Variants in FBXL7 observed in about 807,000 individuals in gnomAD.
FBXL7 encodes F-box/LRR-repeat protein 7.
In FBXL7, 12 loss-of-function variants were observed where a neutral mutation model predicts 38.3. The ratio of observed to expected loss-of-function variants is 0.31; its 90% CI spans 0.20 to 0.51. The LOEUF (loss-of-function observed/expected upper bound fraction) is 0.51, where lower values mean the gene tolerates loss of function less well. FBXL7 is among the 20% of genes least tolerant of loss of function. The pLI, the probability that FBXL7 is intolerant of heterozygous loss-of-function variation, is 0.98. For synonymous variants in FBXL7, 297 were observed against 300.9 expected (o/e 0.99, Z 0.13); for missense variants, 567 against 676.4 (o/e 0.84, Z 1.79).
chr5:15,781,213 G>T (rs1416646552), intron 2 of FBXL7, among the ~76,000 whole-genome samples: 1 of 152,116 alleles, frequency 6.6e-6, no homozygotes, highest in East Asian at 1.9e-4. Flanking sequence ...AGGTTTTACT[G>T]CTCTAAAGGA....
intron 2 of FBXL7, among the ~76,000 whole-genome samples, chr5:15,668,143 C>G (rs77643368): frequency 6.6e-6 from 1 of 152,134 alleles, no homozygotes; most frequent in East Asian, 1.9e-4. Context: ...TAATCAGCCT[C>G]GAAAACTGAT....
intron 2 of FBXL7, among the ~76,000 whole-genome samples, chr5:15,628,913 C>T (rs542091394): frequency 6.6e-6 from 1 of 152,164 alleles, no homozygotes; most frequent in South Asian, 2.1e-4. Context: ...ATGCTCTAGA[C>T]CCACCTTAGA....
chr5:15,864,359 G>A (rs1433641666), intron 2 of FBXL7, among the ~76,000 whole-genome samples: 1 of 150,588 alleles, frequency 6.6e-6, no homozygotes, highest in Non-Finnish European at 1.5e-5. Flanking sequence ...TTCTCTATCA[G>A]TGCCTAATCT....
intron 2 of FBXL7, among the ~76,000 whole-genome samples, chr5:15,643,301 C>T (rs527754907): frequency 9.2e-5 from 14 of 152,280 alleles, no homozygotes; most frequent in South Asian, 2.1e-4. Context: ...CCTAGCTAGA[C>T]GTGCGCATGC....
Position 15,728,641 on chromosome 5 carries a change from A to C in FBXL7, c.127+112569A>C, listed in dbSNP as rs116715686. Among the ~76,000 whole-genome samples the C allele has an allele frequency of 2.5e-3, 381 of 152,266 alleles. 1 individual carries two copies. The highest frequency in any genetic ancestry group is 8.9e-3 in the African/African-American group (372 of 41,576). On this transcript the variant is annotated intron_variant, in intron 2 of 3. Transcript: ENST00000504595. Reference sequence around the variant, plus strand: ...CATCCTGTGAAATTGATTCTTGCCTAAACTACTAAAATTATGTTTCTGAAT... The same window carrying C: ...CATCCTGTGAAATTGATTCTTGCCTCAACTACTAAAATTATGTTTCTGAAT...
intron 2 of FBXL7, among the ~76,000 whole-genome samples, chr5:15,676,496 T>A (rs907206806): frequency 4.6e-5 from 7 of 152,248 alleles, no homozygotes; most frequent in Middle Eastern, 3.2e-3. Context: ...TTGTATTTTT[T>A]AAAATCTTAC....
intron 2 of FBXL7, among the ~76,000 whole-genome samples, chr5:15,704,732 G>T (rs1743628842): frequency 6.6e-6 from 1 of 152,152 alleles, no homozygotes; most frequent in Admixed American, 6.5e-5. Flanking sequence ...TGACAATGCA[G>T]CATACTAAAC....
chr5:15,692,504 G>A (rs573989038), intron 2 of FBXL7, among the ~76,000 whole-genome samples: 9 of 152,180 alleles, frequency 5.9e-5, no homozygotes, highest in African/African-American at 2.2e-4. Flanking sequence ...TTTTCTCTTA[G>A]ATGAATGTCA....
intron 2 of FBXL7, among the ~76,000 whole-genome samples, chr5:15,697,172 C>T (rs547674042): frequency 4.7e-4 from 72 of 152,172 alleles, no homozygotes; most frequent in African/African-American, 1.7e-3. Flanking sequence ...CTTTTGGAGA[C>T]CAGAGTGATT....
intron 1 of FBXL7, among the ~76,000 whole-genome samples, chr5:15,545,439 A>G (rs978751411): frequency 9.2e-5 from 14 of 152,242 alleles, no homozygotes; most frequent in African/African-American, 3.4e-4. Flanking sequence ...CAAGACAGAC[A>G]ATCCCTTCTG....
At chr5:15,929,620 T>C (rs1235352495) in intron 3 of FBXL7, among the ~76,000 whole-genome samples, 1 of 124,642 alleles carries the variant, frequency 8.0e-6, no homozygotes, top group South Asian at 2.7e-4. Context: ...TGAGACCCTG[T>C]CTCTGAAAAA....
At chr5:15,554,302 C>T (rs544050102) in intron 1 of FBXL7, among the ~76,000 whole-genome samples, 1 of 152,218 alleles carries the variant, frequency 6.6e-6, no homozygotes, top group South Asian at 2.1e-4. Flanking sequence ...CTTCCTCACT[C>T]TATATCTCCC....
chr5:15,662,312 G>A (rs1051596480), intron 2 of FBXL7, among the ~76,000 whole-genome samples: 22 of 152,086 alleles, frequency 1.4e-4, no homozygotes, highest in African/African-American at 4.6e-4. Flanking sequence ...AAAAGTGTCC[G>A]TTCATGTTCT....
At chr5:15,638,893 A>G (rs373632408) in intron 2 of FBXL7, among the ~76,000 whole-genome samples, 14 of 152,188 alleles carry the variant, frequency 9.2e-5, no homozygotes, top group Admixed American at 2.6e-4. Context: ...GAGAGTAACA[A>G]TGACCCTCTG....
At chr5:15,796,167 C>T (rs1448615957) in intron 2 of FBXL7, among the ~76,000 whole-genome samples, 1 of 152,084 alleles carries the variant, frequency 6.6e-6, no homozygotes, top group African/African-American at 2.4e-5. Flanking sequence ...AAAAATAAAC[C>T]AGATCTTTTT....
At position 15,553,080 on chromosome 5, in the gene FBXL7, C is replaced by CAA. The variant is rs755924778; in HGVS notation, c.37+52378_37+52379dup. Among the ~76,000 whole-genome samples, 678 of 123,982 alleles carry CAA rather than the reference C, an allele frequency of 5.5e-3. 5 individuals carry two copies. The highest frequency in any genetic ancestry group is 0.015 in the South Asian group (59 of 3,862). The allele number at this position is 123,982 out of a possible 152,430, so 81.3% of individuals were successfully genotyped here. A position where few individuals can be genotyped will look rare whatever the true frequency, so the allele number is the denominator to read the frequency against. On this transcript the variant is annotated intron_variant, in intron 1 of 3. Transcript: ENST00000504595. Reference sequence around the variant, plus strand: ...CTGGCGACAGAGTAAGACTCCATGTCAAAAAAAAAAAACAAAAAAAAACCC... The same window carrying CAA: ...CTGGCGACAGAGTAAGACTCCATGTCAAAAAAAAAAAAAACAAAAAAAAACCC...
chr5:15,630,106 AAGAC>A (rs1740950063), intron 2 of FBXL7, among the ~76,000 whole-genome samples: 2 of 152,120 alleles, frequency 1.3e-5, no homozygotes, highest in African/African-American at 4.8e-5. Context: ...TTAAAACCAA[AAGAC>A]AGTTTATTGT....
At chr5:15,569,012 G>A (rs1738678746) in intron 1 of FBXL7, among the ~76,000 whole-genome samples, 2 of 152,198 alleles carry the variant, frequency 1.3e-5, no homozygotes, top group Admixed American at 6.5e-5. Flanking sequence ...ATAGTTTGAA[G>A]TCAGGTAGCG....
chr5:15,912,924 A>C (rs1741477269), intron 2 of FBXL7, among the ~76,000 whole-genome samples: 2 of 152,202 alleles, frequency 1.3e-5, no homozygotes, highest in Non-Finnish European at 2.9e-5. Flanking sequence ...AGGTCAATAT[A>C]AGGTGACCTT....
Sources: gnomAD v4.1 joint callset for allele counts (sites outside exome capture counted in the v4.1 genomes callset) on GRCh38, gnomAD v4.1.1 for gene constraint, MANE v1.5 for transcripts, NCBI Gene and HGNC (gene_info 2026-07-23, HGNC 2026-07-21) for gene names.